Variants in PCLO observed in about 807,000 individuals in gnomAD.
PCLO encodes the protein piccolo presynaptic cytomatrix protein.
PCLO carries 82 observed loss-of-function variants against 427.5 expected under a neutral mutation model. The ratio of observed to expected loss-of-function variants is 0.19; its 90% confidence interval spans 0.16 to 0.23. PCLO has a LOEUF of 0.23. Among genes scored for constraint, PCLO ranks in the 10% least tolerant of loss-of-function variants. The pLI is 1.00. For missense variants in PCLO, 6,239 were observed against 6,115.9 expected, an observed-to-expected ratio of 1.02 and a Z score of -0.67; for synonymous variants, 2,357 against 2,155.4, an observed-to-expected ratio of 1.09 and a Z score of -2.59.
intron 3 of PCLO, among the ~76,000 whole-genome samples, chr7:83,101,915 GATA>G (rs1037393819): frequency 2.6e-5 from 4 of 151,940 alleles, no homozygotes; most frequent in Non-Finnish European, 5.9e-5. Flanking sequence ...TTTCTGAGGA[GATA>G]ATGTCACTAC....
chr7:83,021,764 ATATTT>A (rs1788349525), intron 3 of PCLO, among the ~76,000 whole-genome samples: 1 of 152,222 alleles, frequency 6.6e-6, no homozygotes, highest in African/African-American at 2.4e-5. Flanking sequence ...GTGTTTTGAC[ATATTT>A]TATTTAATCT....
Position 82,954,477 on chromosome 7 carries a change from T to A in PCLO, c.6476A>T (p.His2159Leu), listed in dbSNP as rs1385363684. 1 of 1,613,978 alleles carries A rather than the reference T, an allele frequency of 6.2e-7. No individual in the cohort carries two copies. Among genetic ancestry groups the A allele is most frequent in the African/African-American group, 1.3e-5 (1 of 75,054 alleles). ...YTREIQEIIA[H>L]ESLILTYSEP... ...CGAGTAGGTCAAAATCAGCGATTCA[T>A]GGGCAATTATCTCTTGAATTTCTCT... is the stretch of plus-strand genomic sequence containing the variant. The change falls in exon 5 of 25, where the codon CAT becomes CTT. Residue 2159 changes from histidine (H) to leucine (L), a missense_variant. By Grantham distance (99) the His-to-Leu change is moderately conservative. Coordinates refer to ENST00000333891, the MANE Select transcript of PCLO (RefSeq NM_033026.6).
chr7:82,938,974 T>A (rs1795017989), intron 6 of PCLO, among the ~76,000 whole-genome samples: 1 of 152,038 alleles, frequency 6.6e-6, no homozygotes, highest in Admixed American at 6.6e-5. Context: ...TAAATGTAAA[T>A]TAAAAATAGT....
intron 22 of PCLO, among the ~76,000 whole-genome samples, chr7:82,777,689 C>T (rs62466904): frequency 0.017 from 2,536 of 152,176 alleles, 33 homozygotes; most frequent in Middle Eastern, 0.034. Flanking sequence ...GTCAGCTAAG[C>T]CAGTTGACTA....
Position 82,986,224 on chromosome 7 carries a change from T to C in PCLO, c.3301-19737A>G, listed in dbSNP as rs369398200. Among the ~76,000 whole-genome samples the C allele has an allele frequency of 1.3e-4, 20 of 152,132 alleles. 1 individual carries two copies. In the East Asian group the frequency reaches 3.5e-3, roughly 26 times the overall value. On this transcript the variant is annotated intron_variant, in intron 3 of 24. Transcript: ENST00000333891. ...ACAGATTATAGGTTGCTTTTGTTTT[T>C]AAACCTGTTTTAGTAAGTTATGATC...
At chr7:82,771,734 C>A (rs1790651615) in intron 22 of PCLO, among the ~76,000 whole-genome samples, 1 of 151,776 alleles carries the variant, frequency 6.6e-6, no homozygotes, top group African/African-American at 2.4e-5. Flanking sequence ...AATTTTGGGC[C>A]AAATTCATGT....
chr7:82,796,903 A>C (rs1402666087), intron 22 of PCLO, among the ~76,000 whole-genome samples: 1 of 151,166 alleles, frequency 6.6e-6, no homozygotes, highest in African/African-American at 2.4e-5. Flanking sequence ...TTTTGCATAT[A>C]ATAGATACAC....
intron 3 of PCLO, among the ~76,000 whole-genome samples, chr7:83,059,354 TAA>T (rs1356917619): frequency 2.2e-5 from 2 of 90,428 alleles, no homozygotes; most frequent in South Asian, 4.1e-4. Flanking sequence ...TATACACCTT[TAA>T]AATATATATA....
rs748953231 is a variant in PCLO at position 82,954,120 on chromosome 7, A to G, written c.6833T>C (p.Val2278Ala). ...AGCAACTGGCCCTTCAGGTTTAGGT[A>G]CTACAGATTCTATGATAGAAGATGC... ...DMASSIIESVVPKPEGPVADT... is the reference protein window; with the variant it reads ...DMASSIIESVAPKPEGPVADT... The change falls in exon 5 of 25, where the codon GTA becomes GCA. Residue 2278 changes from valine to alanine, a missense_variant. Val to Ala is a moderately conservative substitution (Grantham distance 64). Transcript: ENST00000333891. 90 of 1,613,806 alleles carry G rather than the reference A, an allele frequency of 5.6e-5. No individual in the cohort carries two copies. Among genetic ancestry groups the G allele is most frequent in the Non-Finnish European group, 7.4e-5 (87 of 1,179,850 alleles).
At chr7:82,862,363 G>A (rs1407620358) in intron 10 of PCLO, among the ~76,000 whole-genome samples, 1 of 151,782 alleles carries the variant, frequency 6.6e-6, no homozygotes, top group Non-Finnish European at 1.5e-5. Context: ...AATGTAAATT[G>A]CTACAGTCAA....
At chr7:82,917,385 G>T (rs1307821068) in intron 6 of PCLO, among the ~76,000 whole-genome samples, 1 of 151,684 alleles carries the variant, frequency 6.6e-6, no homozygotes, top group Non-Finnish European at 1.5e-5. Flanking sequence ...TGACTATTTG[G>T]TTTTCTTTGA....
In PCLO at chr7:82,956,325, T is replaced by C. The variant is rs1358032787; in HGVS notation, c.4628A>G (p.Gln1543Arg). 7 of 1,613,186 alleles carry C rather than the reference T, an allele frequency of 4.3e-6. No homozygotes were observed. The highest frequency in any genetic ancestry group is 5.9e-6 in the Non-Finnish European group (7 of 1,179,872). Residue 1543 changes from glutamine to arginine, a missense_variant, in exon 5 of 25, where the codon CAG becomes CGG. This residue lies in a region of PCLO where 4,677 missense variants were observed against 4,468.4 expected (regional missense o/e 1.05). Transcript: ENST00000333891. ...TTCCCCTGATCCTTGGCTGTCTTCCTGTTTATACTCATCACTGCTTGATGA... is the reference window on the plus strand; with the variant it reads ...TTCCCCTGATCCTTGGCTGTCTTCCCGTTTATACTCATCACTGCTTGATGA... ...VGSSSSDEYK[Q>R]EDSQGSGEEE...
chr7:83,060,680 A>T (rs1300533880), intron 3 of PCLO, among the ~76,000 whole-genome samples: 1 of 152,216 alleles, frequency 6.6e-6, no homozygotes, highest in African/African-American at 2.4e-5. Context: ...TCTTAGGTGT[A>T]TAAAAGTCAC....
At position 82,986,207 on chromosome 7, in the gene PCLO, T is replaced by C. The variant is rs933654000; in HGVS notation, c.3301-19720A>G. 3.9e-5 allele frequency among the ~76,000 whole-genome samples: 6 copies of C among 152,082 alleles called. No individual in the cohort carries two copies. The East Asian group carries it at 1.2e-3, about 29-fold the overall frequency. On this transcript the variant is annotated intron_variant, in intron 3 of 24. Transcript: ENST00000333891. The stretch of plus-strand genomic sequence containing the variant: ...ATCACTGGAAACATAAAACAGATTA[T>C]AGGTTGCTTTTGTTTTTAAACCTGT...
chr7:83,140,875 T>A (rs1052367431), intron 2 of PCLO, among the ~76,000 whole-genome samples: 1 of 152,342 alleles, frequency 6.6e-6, no homozygotes, highest in East Asian at 1.9e-4. Context: ...CATACCTGCC[T>A]CAGACACTTG....
intron 24 of PCLO, among the ~76,000 whole-genome samples, 168 bp downstream of exon 24, chr7:82,760,471 G>A (rs1239189505): frequency 6.6e-6 from 1 of 151,978 alleles, no homozygotes; most frequent in African/African-American, 2.4e-5. Flanking sequence ...GATGGGGTGA[G>A]TGGGCTGTGG....
intron 10 of PCLO, among the ~76,000 whole-genome samples, chr7:82,872,458 TATGTATAGAG>T (rs1793259871): frequency 6.6e-6 from 1 of 151,850 alleles, no homozygotes. Context: ...GAGGAACAAG[TATGTATAGAG>T]ATGAGAACAC....
chr7:82,901,183 A>G (rs1447523834), intron 9 of PCLO, among the ~76,000 whole-genome samples: 1 of 151,930 alleles, frequency 6.6e-6, no homozygotes, highest in Admixed American at 6.6e-5. Context: ...GTACCTCCTC[A>G]TATTAATGAT....
chr7:82,977,451 T>C (rs1268543812), intron 3 of PCLO, among the ~76,000 whole-genome samples: 1 of 151,358 alleles, frequency 6.6e-6, no homozygotes, highest in Non-Finnish European at 1.5e-5. Context: ...TTTGCTCTTA[T>C]TGCCCAGGCT....
Sources: gnomAD v4.1 joint callset for allele counts (sites outside exome capture counted in the v4.1 genomes callset) on GRCh38, gnomAD v4.1.1 for gene constraint, gnomAD v4.1.1 regional missense constraint, MANE v1.5 for transcripts, NCBI Gene and HGNC (gene_info 2026-07-23, HGNC 2026-07-21) for gene names.